Variants in ABCD3 observed in about 807,000 individuals in gnomAD.
ABCD3 encodes the protein ATP-binding cassette sub-family D member 3.
A neutral mutation model predicts 105.5 loss-of-function variants in ABCD3; 41 were observed. The observed-to-expected ratio is 0.39, with a 90% CI of 0.30 to 0.50. The LOEUF (loss-of-function observed/expected upper bound fraction) is 0.50, where lower values mean the gene tolerates loss of function less well. Among genes scored for constraint, ABCD3 ranks in the 20% least tolerant of loss-of-function variants. The pLI is 0.84. For missense variants in ABCD3, 622 were observed against 806.3 expected, an observed-to-expected ratio of 0.77 and a Z score of 2.77; for synonymous variants, 258 against 269.0, an observed-to-expected ratio of 0.96 and a Z score of 0.40.
chr1:94,415,009 C>T (rs1658972330), upstream of ABCD3, among the ~76,000 whole-genome samples: 1 of 152,110 alleles, frequency 6.6e-6, no homozygotes, highest in Admixed American at 6.5e-5. Flanking sequence ...TGGCCCACTC[C>T]CATGGCTAGC....
At chr1:94,417,569 T>C (rs1308605024), upstream of ABCD3, among the ~76,000 whole-genome samples, 1 of 152,244 alleles carries the variant, frequency 6.6e-6, no homozygotes, top group East Asian at 1.9e-4. Context: ...CCAGCATTAA[T>C]ACAACGCACG....
chr1:94,478,506 TA>T (rs759401039), intron 8 of ABCD3, 191 bp downstream of exon 8: 1 of 1,533,040 alleles, frequency 6.5e-7, no homozygotes, highest in South Asian at 1.2e-5. Context: ...TTTTTCTTTT[TA>T]ATTTTCCTTA....
At chr1:94,490,745 C>T (rs750302758) in intron 15 of ABCD3, among the ~76,000 whole-genome samples, 11 of 152,026 alleles carry the variant, frequency 7.2e-5, no homozygotes, top group African/African-American at 1.2e-4. Flanking sequence ...GGAAGATTCT[C>T]TTTGAGATAC....
At chr1:94,406,462 G>A in the ABCD3 span, 1 of 403,096 alleles carries the variant, frequency 2.5e-6, no homozygotes, top group Non-Finnish European at 4.9e-6. Context: ...CTCACAAAGT[G>A]TGCTTCTCTG....
chr1:94,408,216 C>G, the ABCD3 span, among the ~76,000 whole-genome samples: 17 of 152,170 alleles, frequency 1.1e-4, no homozygotes, highest in Admixed American at 1.3e-4. Flanking sequence ...GAAAACATAA[C>G]AGAAAGCGTT....
At chr1:94,512,981 G>T (rs1212326090) in intron 21 of ABCD3, among the ~76,000 whole-genome samples, 1 of 152,024 alleles carries the variant, frequency 6.6e-6, no homozygotes, top group African/African-American at 2.4e-5. Context: ...TCACCTAGGG[G>T]TTTGTTAGAA....
At chr1:94,430,903 TAGA>T (rs1402213739) in intron 1 of ABCD3, among the ~76,000 whole-genome samples, 5 of 152,224 alleles carry the variant, frequency 3.3e-5, no homozygotes, top group Non-Finnish European at 5.9e-5. Flanking sequence ...TTTGAATAAC[TAGA>T]AGAAGGGAGA....
At chr1:94,391,412 G>A in the ABCD3 span, among the ~76,000 whole-genome samples, 1 of 152,156 alleles carries the variant, frequency 6.6e-6, no homozygotes, top group African/African-American at 2.4e-5. Context: ...AGATTCTTCA[G>A]GGTCAAGGCA....
intron 20 of ABCD3, among the ~76,000 whole-genome samples, chr1:94,503,400 G>A (rs1173649180): frequency 2.0e-5 from 3 of 152,084 alleles, no homozygotes; most frequent in Non-Finnish European, 2.9e-5. Context: ...CGCTGTCTTG[G>A]AGGATATGTC....
chr1:94,469,726 C>T (rs530857526), intron 4 of ABCD3, among the ~76,000 whole-genome samples: 17 of 139,680 alleles, frequency 1.2e-4, no homozygotes, highest in Non-Finnish European at 2.4e-4. Flanking sequence ...AGTGCAGCGG[C>T]GCGATCTCAG....
Position 94,501,910 on chromosome 1 carries a change from C to G in ABCD3, c.1740+2296C>G, listed in dbSNP as rs1259460773. Among the ~76,000 whole-genome samples the G allele has an allele frequency of 2.0e-5, 3 of 151,810 alleles. No individual in the cohort carries two copies. In the East Asian group the frequency reaches 5.8e-4, roughly 29 times the overall value. The stretch of plus-strand genomic sequence containing the variant: ...TTTACCTTAAATTAGCAACTATCCC[C>G]CTTTCTCAAATTCCCTGAGATCTCT... On this transcript the variant is annotated intron_variant, in intron 20 of 22. Coordinates refer to ENST00000370214, the MANE Select transcript of ABCD3 (RefSeq NM_002858.4).
At chr1:94,426,936 T>G (rs1204988828) in intron 1 of ABCD3, among the ~76,000 whole-genome samples, 1 of 151,966 alleles carries the variant, frequency 6.6e-6, no homozygotes, top group African/African-American at 2.4e-5. Context: ...CTCTGAAACT[T>G]TTTGATCTGC....
At chr1:94,396,220 C>T in the ABCD3 span, among the ~76,000 whole-genome samples, 76 of 152,264 alleles carry the variant, frequency 5.0e-4, 1 homozygote, top group Middle Eastern at 6.8e-3. Flanking sequence ...TCCTCAGTGT[C>T]TCTTAGCTTC....
chr1:94,386,917 C>A, the ABCD3 span, among the ~76,000 whole-genome samples: 1 of 152,026 alleles, frequency 6.6e-6, no homozygotes, highest in African/African-American at 2.4e-5. Context: ...CAATGAGCAG[C>A]ATTTCTTTTA....
At chr1:94,418,653 T>G in intron 1 of ABCD3, 65 bp downstream of exon 1, 1 of 1,492,274 alleles carries the variant, frequency 6.7e-7, no homozygotes, top group Non-Finnish European at 9.0e-7. Context: ...GCGCTCTCTC[T>G]CCCCACCCGG....
At chr1:94,460,029 C>A (rs1304060260) in intron 2 of ABCD3, among the ~76,000 whole-genome samples, 2 of 152,006 alleles carry the variant, frequency 1.3e-5, no homozygotes, top group Non-Finnish European at 1.5e-5. Flanking sequence ...TAGGTTGCTT[C>A]TACTTTTTGG....
chr1:94,508,850 T>C lies in ABCD3; in HGVS notation c.1845+2208T>C, dbSNP rs1439768774. On this transcript the variant is annotated intron_variant, in intron 21 of 22. Coordinates refer to ENST00000370214, the MANE Select transcript of ABCD3 (RefSeq NM_002858.4). The stretch of plus-strand genomic sequence containing the variant: ...CATTGATTTTTGTATCCTGAGACTT[T>C]GCTGAAGTTGCTTATCAGCTTAAGG... Among the ~76,000 whole-genome samples, 4 of 152,344 alleles carry C rather than the reference T, an allele frequency of 2.6e-5. No individual in the cohort carries two copies. In the East Asian group the frequency reaches 7.7e-4, roughly 29 times the overall value.
At chr1:94,386,393 C>G in the ABCD3 span, among the ~76,000 whole-genome samples, 1 of 152,224 alleles carries the variant, frequency 6.6e-6, no homozygotes, top group Non-Finnish European at 1.5e-5. Flanking sequence ...AAGCAAGTGT[C>G]AAATTACTAA....
chr1:94,400,585 CAGTG>C, the ABCD3 span, among the ~76,000 whole-genome samples: 4 of 152,138 alleles, frequency 2.6e-5, no homozygotes, highest in Non-Finnish European at 5.9e-5. Flanking sequence ...AGGAGAACAG[CAGTG>C]CCAGCCTGAC....
Sources: gnomAD v4.1 joint callset for allele counts (sites outside exome capture counted in the v4.1 genomes callset) on GRCh38, gnomAD v4.1.1 for gene constraint, MANE v1.5 for transcripts, NCBI Gene and HGNC (gene_info 2026-07-23, HGNC 2026-07-21) for gene names.